The following SRPK2 variants were observed in gnomAD, a reference collection of about 807,000 sequenced individuals.
SRPK2 encodes SRSF protein kinase 2.
SRPK2 carries 21 observed loss-of-function variants against 90.8 expected under a neutral mutation model. The observed-to-expected ratio is 0.23, with a 90% confidence interval of 0.16 to 0.33. The LOEUF is 0.33. SRPK2 is among the 10% of genes least tolerant of loss of function. SRPK2 has a pLI of 1.00. For missense variants in SRPK2, 620 were observed against 869.0 expected (o/e 0.71, Z 3.60); for synonymous variants, 288 against 311.1 (o/e 0.93, Z 0.78).
chr7:105,244,939 C>A, intron 2 of SRPK2: 1 of 1,473,234 alleles, frequency 6.8e-7, no homozygotes, highest in Non-Finnish European at 9.4e-7. Flanking sequence ...GTCCTGGCCG[C>A]CATGAGGAAA....
At chr7:105,304,207 T>G (rs557161644) in intron 2 of SRPK2, 4 of 152,330 alleles carry the variant, frequency 2.6e-5, no homozygotes, top group Non-Finnish European at 5.9e-5. Flanking sequence ...GCTTAGAAAC[T>G]AGTTTCATCA....
intron 2 of SRPK2, among the ~76,000 whole-genome samples, chr7:105,387,180 CTTG>C (rs1216444339): frequency 6.6e-6 from 1 of 152,176 alleles, no homozygotes; most frequent in African/African-American, 2.4e-5. Context: ...ACTTTTTCCA[CTTG>C]TTTTTATGTT....
chr7:105,176,400 GGATGTCTGCTCT>G (rs1251738410), intron 3 of SRPK2, among the ~76,000 whole-genome samples: 1 of 152,020 alleles, frequency 6.6e-6, no homozygotes, highest in Non-Finnish European at 1.5e-5. Context: ...AACAAGATAA[GGATGTCTGCTCT>G]CCCCATTTCT....
chr7:105,126,748 T>G (rs936034099), intron 14 of SRPK2, among the ~76,000 whole-genome samples: 2 of 152,166 alleles, frequency 1.3e-5, no homozygotes, highest in Non-Finnish European at 2.9e-5. Context: ...TCCTGCCCTG[T>G]GCAAGGCCAG....
In SRPK2 at chr7:105,167,376, C is replaced by T. The variant is rs1402810107; in HGVS notation, c.514+1G>A. The T allele has an allele frequency of 4.4e-6, 7 of 1,607,942 alleles. No homozygotes were observed. The highest frequency in any genetic ancestry group is 1.7e-5 in the Admixed American group (1 of 59,916). ...CAAATAAATCAGGAAGTAAAGGATA[C>T]GTATCCCATTCATGCCTGAAATCTT... is the stretch of plus-strand genomic sequence containing the variant. On this transcript the variant is annotated splice_donor_variant, in intron 6 of 15. Transcript: ENST00000393651. LOFTEE classifies it high-confidence loss of function.
chr7:105,264,796 C>T (rs942696434), intron 2 of SRPK2, among the ~76,000 whole-genome samples: 2 of 152,164 alleles, frequency 1.3e-5, no homozygotes, highest in African/African-American at 4.8e-5. Flanking sequence ...AACATCCACT[C>T]ACACTGAACA....
intron 2 of SRPK2, among the ~76,000 whole-genome samples, chr7:105,364,123 T>C (rs1305009361): frequency 6.6e-6 from 1 of 152,114 alleles, no homozygotes; most frequent in Non-Finnish European, 1.5e-5. Flanking sequence ...ACATGGCACA[T>C]GTATACATAT....
intron 2 of SRPK2, among the ~76,000 whole-genome samples, chr7:105,315,851 T>C (rs1377520870): frequency 1.3e-5 from 2 of 152,124 alleles, no homozygotes; most frequent in African/African-American, 2.4e-5. Context: ...CATAATAAAT[T>C]TTTGTTAATT....
intron 3 of SRPK2, among the ~76,000 whole-genome samples, chr7:105,180,602 A>G (rs1034999719): frequency 6.6e-6 from 1 of 152,206 alleles, no homozygotes; most frequent in Non-Finnish European, 1.5e-5. Flanking sequence ...CTAAAAAAAT[A>G]CAAAAATTAG....
At chr7:105,158,466 G>A (rs1023285041) in intron 7 of SRPK2, among the ~76,000 whole-genome samples, 2 of 152,074 alleles carry the variant, frequency 1.3e-5, no homozygotes, top group Non-Finnish European at 2.9e-5. Context: ...TGCTGGCCAG[G>A]CTGGTCTCAA....
intron 2 of SRPK2, among the ~76,000 whole-genome samples, chr7:105,218,224 A>T (rs1797696434): frequency 6.6e-6 from 1 of 152,230 alleles, no homozygotes; most frequent in Non-Finnish European, 1.5e-5. Context: ...AAGAATTTGA[A>T]GTTAATTTGC....
intron 2 of SRPK2, among the ~76,000 whole-genome samples, chr7:105,379,768 G>A (rs1400504877): frequency 6.6e-6 from 1 of 152,152 alleles, no homozygotes; most frequent in African/African-American, 2.4e-5. Flanking sequence ...CACAAGGTCA[G>A]GAGATCGAGA....
chr7:105,178,810 A>G (rs1792350399), intron 3 of SRPK2, among the ~76,000 whole-genome samples: 1 of 151,996 alleles, frequency 6.6e-6, no homozygotes, highest in African/African-American at 2.4e-5. Flanking sequence ...CCCTCTCTCA[A>G]AACAAAACAA....
intron 2 of SRPK2, among the ~76,000 whole-genome samples, chr7:105,279,939 G>A (rs982357485): frequency 8.6e-5 from 13 of 151,918 alleles, no homozygotes; most frequent in Non-Finnish European, 1.5e-5. Flanking sequence ...AGCTTTTCCT[G>A]CATTATTCTT....
At chr7:105,315,095 A>G (rs531570577) in intron 2 of SRPK2, among the ~76,000 whole-genome samples, 1 of 152,196 alleles carries the variant, frequency 6.6e-6, no homozygotes, top group Non-Finnish European at 1.5e-5. Flanking sequence ...TGCACACCAT[A>G]GGGGATCCCA....
At position 105,307,255 on chromosome 7, in the gene SRPK2, T is replaced by C. The variant is rs147506286; in HGVS notation, c.71+81393A>G. On this transcript the variant is annotated intron_variant, in intron 2 of 15. Transcript: ENST00000393651. ...AGTACAAATGCCATTCCATCTGCTG[T>C]GGTGGATACAAAGAGGCTTTTCTTC... Among the ~76,000 whole-genome samples the C allele has an allele frequency of 5.6e-4, 86 of 152,316 alleles. 1 individual carries two copies. Among genetic ancestry groups the C allele is most frequent in the African/African-American group, 1.8e-3 (75 of 41,578 alleles).
chr7:105,342,192 C>T (rs1327982277), intron 2 of SRPK2, among the ~76,000 whole-genome samples: 3 of 151,702 alleles, frequency 2.0e-5, no homozygotes, highest in Non-Finnish European at 4.4e-5. Flanking sequence ...GGCATGGTGG[C>T]ACATGCCTGT....
intron 2 of SRPK2, among the ~76,000 whole-genome samples, chr7:105,291,486 T>C (rs1011242873): frequency 6.6e-6 from 1 of 152,148 alleles, no homozygotes; most frequent in African/African-American, 2.4e-5. Flanking sequence ...CCCAGCACTT[T>C]GTGAGGCCGA....
intron 2 of SRPK2, among the ~76,000 whole-genome samples, chr7:105,249,328 T>C (rs1446658883): frequency 1.3e-5 from 2 of 152,156 alleles, no homozygotes; most frequent in Non-Finnish European, 2.9e-5. Flanking sequence ...AATAAAGCCA[T>C]CTACATTACT....
Sources: allele counts gnomAD v4.1 joint callset (sites outside exome capture counted in the v4.1 genomes callset), GRCh38; gene constraint gnomAD v4.1.1; transcripts MANE v1.5; gene names NCBI Gene and HGNC (gene_info 2026-07-23, HGNC 2026-07-21).